Variants in FAM185A observed in about 807,000 individuals in gnomAD.
FAM185A encodes the protein protein FAM185A.
A neutral mutation model predicts 45.7 loss-of-function variants in FAM185A; 21 were observed. The observed-to-expected ratio is 0.46, with a 90% CI of 0.33 to 0.66. FAM185A has a LOEUF of 0.66. Among genes scored for constraint, FAM185A ranks in the 30% least tolerant of loss-of-function variants. FAM185A has a pLI of 0.03. For synonymous variants in FAM185A, 117 were observed against 194.0 expected, an observed-to-expected ratio of 0.60 and a Z score of 3.30; for missense variants, 305 against 485.4, an observed-to-expected ratio of 0.63 and a Z score of 3.49.
At chr7:102,815,255 C>A in the FAM185A span, among the ~76,000 whole-genome samples, 1 of 152,132 alleles carries the variant, frequency 6.6e-6, no homozygotes. Flanking sequence ...GAATTAATTT[C>A]TTTCTATTAC....
At chr7:102,805,536 G>T (rs182802509) in intron 7 of FAM185A, among the ~76,000 whole-genome samples, 207 of 151,938 alleles carry the variant, frequency 1.4e-3, no homozygotes, top group African/African-American at 4.8e-3. Flanking sequence ...TGGGGGAAAG[G>T]TTGGGAGGGG....
Position 102,749,140 on chromosome 7 carries a change from C to G in FAM185A, c.-68C>G. 6.5e-7 allele frequency: 1 copy of G among 1,534,526 alleles called. No individual in the cohort carries two copies. The highest frequency in any genetic ancestry group is 8.8e-7 in the Non-Finnish European group (1 of 1,132,356). On this transcript the variant is annotated 5_prime_UTR_variant, in exon 1 of 8. Coordinates refer to ENST00000413034, the MANE Select transcript of FAM185A (RefSeq NM_001145268.2). Reference sequence around the variant, plus strand: ...ACTTGAGGCGGCACAGTGGCCAAGTCGATTGGCCGTGGCAAGTGACCCTCC... The same window carrying G: ...ACTTGAGGCGGCACAGTGGCCAAGTGGATTGGCCGTGGCAAGTGACCCTCC...
In FAM185A at chr7:102,798,784, G is replaced by A. The variant is rs139722522; in HGVS notation, c.1067-9506G>A. 6.6e-3 allele frequency among the ~76,000 whole-genome samples: 1,004 copies of A among 151,358 alleles called. 10 individuals are homozygous for A. The highest frequency in any genetic ancestry group is 0.023 in the African/African-American group (949 of 41,234). On this transcript the variant is annotated intron_variant, in intron 7 of 7. Coordinates refer to ENST00000413034, the MANE Select transcript of FAM185A (RefSeq NM_001145268.2). ...TATTTTGAGACAGAGTTTCACTATT[G>A]TTGCCCAGACTGGAGTGCAATGGCA...
chr7:102,803,432 A>T (rs1363829057), intron 7 of FAM185A, among the ~76,000 whole-genome samples: 1 of 152,192 alleles, frequency 6.6e-6, no homozygotes, highest in Admixed American at 6.5e-5. Flanking sequence ...AACAAAAATC[A>T]CATGATCATC....
At chr7:102,824,338 C>CA in the FAM185A span, among the ~76,000 whole-genome samples, 1 of 151,708 alleles carries the variant, frequency 6.6e-6, no homozygotes, top group Admixed American at 6.6e-5. Flanking sequence ...AGCACATTGC[C>CA]AAAAAAATAG....
At chr7:102,750,307 C>G (rs972803057) in intron 1 of FAM185A, among the ~76,000 whole-genome samples, 109 of 152,262 alleles carry the variant, frequency 7.2e-4, no homozygotes, top group African/African-American at 2.5e-3. Context: ...GAAGGGCTCC[C>G]CAGACTGTCA....
intron 7 of FAM185A, among the ~76,000 whole-genome samples, chr7:102,796,370 T>C (rs1796437328): frequency 6.6e-6 from 1 of 152,248 alleles, no homozygotes; most frequent in Non-Finnish European, 1.5e-5. Context: ...TTTGGGCAGC[T>C]TCCAGCTGCA....
At chr7:102,812,968 G>C (rs1282729886), downstream of FAM185A, among the ~76,000 whole-genome samples, 1 of 151,150 alleles carries the variant, frequency 6.6e-6, no homozygotes, top group Admixed American at 6.6e-5. Flanking sequence ...TCAGCCTCCT[G>C]AGTAGCTGGG....
chr7:102,818,155 C>T, the FAM185A span, among the ~76,000 whole-genome samples: 1 of 152,204 alleles, frequency 6.6e-6, no homozygotes, highest in African/African-American at 2.4e-5. Flanking sequence ...AAGGACTGCT[C>T]ATAATCCACA....
At position 102,809,065 on chromosome 7, in the gene FAM185A, C is replaced by A. The variant is rs1018645174; in HGVS notation, c.*663C>A. 1.3e-5 allele frequency: 2 copies of A among 152,202 alleles called. No individual in the cohort carries two copies. The highest frequency in any genetic ancestry group is 2.4e-5 in the African/African-American group (1 of 41,432). The allele number at this position is 152,202 out of a possible 1,614,324, so 9.4% of individuals were successfully genotyped here. On this transcript the variant is annotated 3_prime_UTR_variant, in exon 8 of 8. Transcript: ENST00000413034. ...GGCCCATCACATTCAGTTTTCACTC[C>A]CACTCAAGGAAAGGAGATTATACAA...
chr7:102,765,361 T>C (rs1197213281), intron 4 of FAM185A, among the ~76,000 whole-genome samples: 1 of 152,150 alleles, frequency 6.6e-6, no homozygotes, highest in Non-Finnish European at 1.5e-5. Context: ...AGCTCCATGG[T>C]AGCATTCAGG....
chr7:102,839,827 A>C, the FAM185A span, among the ~76,000 whole-genome samples: 1 of 152,112 alleles, frequency 6.6e-6, no homozygotes, highest in African/African-American at 2.4e-5. Flanking sequence ...AACTATTCAA[A>C]TATATATTAT....
intron 3 of FAM185A, 85 bp downstream of exon 3, chr7:102,758,031 C>T (rs1793869804): frequency 1.3e-5 from 20 of 1,519,848 alleles, no homozygotes; most frequent in South Asian, 2.5e-5. Flanking sequence ...CTACAAAGTT[C>T]GTAGCATAAC....
chr7:102,846,945 C>CT, the FAM185A span, among the ~76,000 whole-genome samples: 1 of 152,006 alleles, frequency 6.6e-6, no homozygotes, highest in East Asian at 1.9e-4. Flanking sequence ...GGCCTACACT[C>CT]TAAGAATGGT....
At chr7:102,764,905 A>C (rs1263856674) in intron 4 of FAM185A, among the ~76,000 whole-genome samples, 1 of 152,082 alleles carries the variant, frequency 6.6e-6, no homozygotes, top group African/African-American at 2.4e-5. Flanking sequence ...TTTTTGGTGG[A>C]TTTTACAAGT....
At chr7:102,835,079 A>G in the FAM185A span, among the ~76,000 whole-genome samples, 1 of 152,232 alleles carries the variant, frequency 6.6e-6, no homozygotes, top group Admixed American at 6.5e-5. Flanking sequence ...AGAAAAACTG[A>G]AAGATATTGG....
the FAM185A span, among the ~76,000 whole-genome samples, chr7:102,819,865 T>C: frequency 3.9e-5 from 6 of 152,194 alleles, no homozygotes; most frequent in Non-Finnish European, 5.9e-5. Flanking sequence ...CATTTCCAAC[T>C]GCACTGAAGG....
At chr7:102,847,143 G>A in the FAM185A span, among the ~76,000 whole-genome samples, 1 of 151,756 alleles carries the variant, frequency 6.6e-6, no homozygotes, top group African/African-American at 2.4e-5. Context: ...GGGAAGTTGC[G>A]ACAGAGACTG....
At chr7:102,844,027 T>C in the FAM185A span, among the ~76,000 whole-genome samples, 3 of 152,108 alleles carry the variant, frequency 2.0e-5, no homozygotes, top group African/African-American at 7.2e-5. Flanking sequence ...GTAAACCAGC[T>C]TGTGAAGAAT....
Sources: gnomAD v4.1 joint callset for allele counts (sites outside exome capture counted in the v4.1 genomes callset) on GRCh38, gnomAD v4.1.1 for gene constraint, MANE v1.5 for transcripts, NCBI Gene and HGNC (gene_info 2026-07-23, HGNC 2026-07-21) for gene names.